The following SYTL3 variants were observed in gnomAD, a reference collection of about 807,000 sequenced individuals.
SYTL3 encodes synaptotagmin-like protein 3.
Under a neutral mutation model 82.1 loss-of-function variants are expected in SYTL3, and 88 were observed. That is an observed-to-expected ratio of 1.07 (90% CI 0.90 to 1.28). SYTL3 has a LOEUF of 1.28. Among genes scored for constraint, SYTL3 ranks in the 50% most tolerant of loss-of-function variants. The pLI is 0.00. For synonymous variants in SYTL3, 311 were observed against 289.4 expected, an observed-to-expected ratio of 1.07 and a Z score of -0.76; for missense variants, 831 against 757.6, an observed-to-expected ratio of 1.10 and a Z score of -1.14.
intron 6 of SYTL3, among the ~76,000 whole-genome samples, chr6:158,700,007 G>A (rs1780999744): frequency 6.6e-6 from 1 of 151,884 alleles, no homozygotes; most frequent in African/African-American, 2.4e-5. Flanking sequence ...TGCAATCCCA[G>A]CACTTTGGGA....
intron 11 of SYTL3, among the ~76,000 whole-genome samples, chr6:158,738,536 G>T (rs542597400): frequency 6.6e-6 from 1 of 151,976 alleles, no homozygotes; most frequent in African/African-American, 2.4e-5. Context: ...TCTCTCTTAC[G>T]CATTCAGCCT....
chr6:158,668,571 C>T (rs1776994612), intron 5 of SYTL3, among the ~76,000 whole-genome samples: 1 of 152,192 alleles, frequency 6.6e-6, no homozygotes, highest in Non-Finnish European at 1.5e-5. Flanking sequence ...GCCTCCAAGA[C>T]AGTAGGAGCT....
rs149552390 is a variant in SYTL3, at chr6:158,736,080, C to T, written c.856-9400C>T. ...AAAAACTGTCAACAACGGCCGGGCG[C>T]GGTGTCTCACGCCTGTGATCCCAGC... On this transcript the variant is annotated intron_variant, in intron 11 of 17. Coordinates refer to ENST00000611299, the MANE Select transcript of SYTL3 (RefSeq NM_001242394.2). Among the ~76,000 whole-genome samples, 23 of 152,332 alleles carry T rather than the reference C, an allele frequency of 1.5e-4. No individual in the cohort carries two copies. In the East Asian group the frequency reaches 4.2e-3, roughly 28 times the overall value.
chr6:158,730,678 G>A (rs935255108), intron 11 of SYTL3, among the ~76,000 whole-genome samples: 5 of 152,130 alleles, frequency 3.3e-5, no homozygotes, highest in African/African-American at 4.8e-5. Flanking sequence ...CATACCACGC[G>A]GGCCAGGTAA....
intron 13 of SYTL3, among the ~76,000 whole-genome samples, chr6:158,756,972 G>A (rs1218370987): frequency 6.6e-6 from 1 of 151,456 alleles, no homozygotes; most frequent in Non-Finnish European, 1.5e-5. Context: ...CTGGGGAGTA[G>A]GGGGAGGGGT....
intron 14 of SYTL3, among the ~76,000 whole-genome samples, chr6:158,757,725 C>T (rs986240491): frequency 3.9e-5 from 6 of 152,206 alleles, no homozygotes; most frequent in African/African-American, 9.6e-5. Context: ...CTGGGGGCAC[C>T]GCCCGCAGCT....
At chr6:158,679,960 G>A (rs1344808854) in intron 5 of SYTL3, among the ~76,000 whole-genome samples, 1 of 152,140 alleles carries the variant, frequency 6.6e-6, no homozygotes, top group Non-Finnish European at 1.5e-5. Flanking sequence ...GGATATTTTG[G>A]GCCCAGTGGT....
At chr6:158,758,399 C>G (rs1007543953) in intron 14 of SYTL3, among the ~76,000 whole-genome samples, 1 of 150,884 alleles carries the variant, frequency 6.6e-6, no homozygotes, top group Non-Finnish European at 1.5e-5. Flanking sequence ...GATTGCACCA[C>G]TGCACTTCAG....
At chr6:158,668,883 G>A (rs1399457367) in intron 5 of SYTL3, among the ~76,000 whole-genome samples, 1 of 152,134 alleles carries the variant, frequency 6.6e-6, no homozygotes, top group Non-Finnish European at 1.5e-5. Context: ...TCCGAGAACC[G>A]AAGGAACAGA....
At chr6:158,705,521 C>T (rs1252645207) in intron 6 of SYTL3, among the ~76,000 whole-genome samples, 1 of 109,886 alleles carries the variant, frequency 9.1e-6, no homozygotes, top group Non-Finnish European at 2.0e-5. Context: ...AGGAAGAACC[C>T]GGGGCAGGGT....
At position 158,703,812 on chromosome 6, in the gene SYTL3, A is replaced by ATATTATTATTATTAT. The variant is rs531980948; in HGVS notation, c.395-3409_395-3408insTATTATTATTATTAT. Among the ~76,000 whole-genome samples the ATATTATTATTATTAT allele has an allele frequency of 8.7e-3, 1,061 of 122,642 alleles. 16 individuals carry two copies. Among genetic ancestry groups the ATATTATTATTATTAT allele is most frequent in the African/African-American group, 0.018 (637 of 34,560 alleles). The allele number at this position is 122,642 out of a possible 152,430, so 80.5% of individuals were successfully genotyped here. A position where few individuals can be genotyped will look rare whatever the true frequency, so the allele number is the denominator to read the frequency against. ...GTCCTGTGAACTAAGAGTGGGTTTTATATTATTATCATTATTATTATTATT... is the reference window on the plus strand; with the variant it reads ...GTCCTGTGAACTAAGAGTGGGTTTTATATTATTATTATTATTATTATTATCATTATTATTATTATT... On this transcript the variant is annotated intron_variant, in intron 6 of 17. Transcript: ENST00000611299.
chr6:158,758,310 C>T (rs546079919), intron 14 of SYTL3, among the ~76,000 whole-genome samples: 5 of 152,014 alleles, frequency 3.3e-5, no homozygotes, highest in African/African-American at 4.8e-5. Flanking sequence ...TGGTGGTGCA[C>T]GCCTGTAGTC....
chr6:158,743,598 C>CTTTT (rs397887964), intron 11 of SYTL3, among the ~76,000 whole-genome samples: 1,794 of 63,068 alleles, frequency 0.028, 374 homozygotes, highest in Non-Finnish European at 0.04. Flanking sequence ...CCAGTCCAAG[C>CTTTT]TTTTTTTTTT....
At chr6:158,703,966 C>T (rs1018389087) in intron 6 of SYTL3, among the ~76,000 whole-genome samples, 3 of 151,442 alleles carry the variant, frequency 2.0e-5, no homozygotes, top group African/African-American at 4.9e-5. Context: ...CGATTACAAG[C>T]GTGTGACCTC....
intron 13 of SYTL3, among the ~76,000 whole-genome samples, chr6:158,756,717 AAATTTTTTTTTTTTT>A (rs1199225965): frequency 2.1e-4 from 11 of 53,210 alleles, no homozygotes; most frequent in Non-Finnish European, 3.8e-4. Context: ...TCTCAAAAAA[AAATTTTTTTTTTTTT>A]TTTTTTTTTT....
chr6:158,692,785 A>C (rs1371100047), intron 6 of SYTL3, among the ~76,000 whole-genome samples: 3 of 151,608 alleles, frequency 2.0e-5, no homozygotes, highest in Admixed American at 1.3e-4. Context: ...AAAAAAAAAA[A>C]AAAAAAATAC....
chr6:158,751,192 C>T (rs1788340158), intron 12 of SYTL3, among the ~76,000 whole-genome samples: 1 of 151,870 alleles, frequency 6.6e-6, no homozygotes, highest in African/African-American at 2.4e-5. Flanking sequence ...AGAGGAGGCT[C>T]ACTGTGATTT....
intron 13 of SYTL3, among the ~76,000 whole-genome samples, chr6:158,754,707 G>A (rs766279910): frequency 4.6e-5 from 7 of 152,230 alleles, no homozygotes; most frequent in African/African-American, 1.4e-4. Flanking sequence ...GCGACAGAGC[G>A]AGACTCCGTC....
In SYTL3 at chr6:158,651,753, G is replaced by T. The variant is rs750579202; in HGVS notation, c.-726G>T. 6.6e-6 allele frequency: 1 copy of T among 151,678 alleles called. No homozygotes were observed. Among genetic ancestry groups the T allele is most frequent in the South Asian group, 2.1e-4 (1 of 4,820 alleles). The allele number at this position is 151,678 out of a possible 1,614,324, so 9.4% of individuals were successfully genotyped here. On this transcript the variant is annotated splice_region_variant and 5_prime_UTR_variant, in exon 2 of 18. Coordinates refer to ENST00000611299, the MANE Select transcript of SYTL3 (RefSeq NM_001242394.2). ...TTTTGTTGTTTTTGGGTGGTAAAAGGCTCCCCGAATGAGAAAGAATACTCG... is the reference window on the plus strand; with the variant it reads ...TTTTGTTGTTTTTGGGTGGTAAAAGTCTCCCCGAATGAGAAAGAATACTCG...
Sources: gnomAD v4.1 joint callset for allele counts (sites outside exome capture counted in the v4.1 genomes callset) on GRCh38, gnomAD v4.1.1 for gene constraint, MANE v1.5 for transcripts, NCBI Gene and HGNC (gene_info 2026-07-23, HGNC 2026-07-21) for gene names.